FKBP4: variants seen among roughly 807,000 people sequenced by gnomAD.
The protein encoded by FKBP4 is FKBP prolyl isomerase 4.
In FKBP4, 28 loss-of-function variants were observed where a neutral mutation model predicts 54.1. That is an observed-to-expected ratio of 0.52 (90% CI 0.38 to 0.71). The LOEUF (loss-of-function observed/expected upper bound fraction) is 0.71. Ranked by LOEUF, FKBP4 falls within the 30% of genes least tolerant of loss-of-function variation. The probability of loss-of-function intolerance (pLI) is 0.00; values close to 1 mark genes in which losing one functional copy is unlikely to be tolerated. For synonymous variants in FKBP4, 223 were observed against 216.1 expected, an observed-to-expected ratio of 1.03 and a Z score of -0.28; for missense variants, 493 against 574.4, an observed-to-expected ratio of 0.86 and a Z score of 1.45.
At chr12:2,796,606 T>C (rs2097901994) in intron 1 of FKBP4, 1 of 1,166,904 alleles carries the variant, frequency 8.6e-7, no homozygotes, top group Admixed American at 4.0e-5. Context: ...GGTTCACCTA[T>C]AACCTGGTTT....
Position 2,800,582 on chromosome 12 carries a change from G to A in FKBP4, c.1032+5G>A, listed in dbSNP as rs2097904200. 6.2e-7 allele frequency: 1 copy of A among 1,602,142 alleles called. No homozygotes were observed. Among genetic ancestry groups the A allele is most frequent in the Non-Finnish European group, 8.5e-7 (1 of 1,175,058 alleles). On this transcript the variant is annotated splice_donor_5th_base_variant and intron_variant, in intron 8 of 9. Transcript: ENST00000001008. ...GCCATTGAAAGCTGTAACAAGGTGA[G>A]GCCCCCTCAGAGGTCATGGAAGCAG...
At position 2,795,181 on chromosome 12, in the gene FKBP4, G is replaced by A. The variant is rs150655432; in HGVS notation, c.42G>A (p.Gln14=). 1.6e-4 allele frequency: 217 copies of A among 1,320,736 alleles called. No individual in the cohort carries two copies. The African/African-American group carries it at 2.8e-3, about 17-fold the overall frequency. 81.8% of individuals were successfully genotyped at this position (1,320,736 alleles called of 1,614,324 possible). ...EEMKATESGA[Q]SAPLPMEGVD... ...TGAAGGCGACCGAGAGCGGGGCGCA[G>A]TCGGCGCCGCTGCCCATGGAGGGAG... Residue 14 remains glutamine, a synonymous_variant, in exon 1 of 10, where the codon CAG becomes CAA. Coordinates refer to ENST00000001008, the MANE Select transcript of FKBP4 (RefSeq NM_002014.4). The surrounding 1 kb of genome is among the most constrained non-coding windows in gnomAD (Gnocchi z 4.3).
Position 2,800,132 on chromosome 12 carries a change from C to T in FKBP4, c.846+10C>T, listed in dbSNP as rs764548144. The T allele has an allele frequency of 1.2e-6, 2 of 1,612,068 alleles. No homozygotes were observed. The highest frequency in any genetic ancestry group is 1.1e-5 in the South Asian group (1 of 91,018). On this transcript the variant is annotated intron_variant, in intron 7 of 9. Transcript: ENST00000001008. ...CACTGTGTACTTCAAGGTGAGCCAA[C>T]AGTCATTGTCCTAAGGACACTCCCA...
At chr12:2,799,388 G>A (rs1380540005) in intron 5 of FKBP4, 144 bp downstream of exon 5, 12 of 877,246 alleles carry the variant, frequency 1.4e-5, no homozygotes, top group Non-Finnish European at 1.8e-5. Context: ...AGTGTACTTA[G>A]AAGTATGGCC....
intron 9 of FKBP4, among the ~76,000 whole-genome samples, chr12:2,802,469 T>G (rs1203375018): frequency 6.6e-6 from 1 of 152,196 alleles, no homozygotes; most frequent in African/African-American, 2.4e-5. Context: ...CACTGTCCAG[T>G]AGAAATACAG....
chr12:2,795,508 C>T lies in FKBP4; in HGVS notation c.105+264C>T, dbSNP rs2097901185. ...GCTCCCCAGCCGGCAGCGCCCGGGCCCGGGCAGGGGGTCGGGATTGCAGTG... is the reference window on the plus strand; with the variant it reads ...GCTCCCCAGCCGGCAGCGCCCGGGCTCGGGCAGGGGGTCGGGATTGCAGTG... On this transcript the variant is annotated intron_variant, in intron 1 of 9. Transcript: ENST00000001008. This position sits in a 1 kb window ranked among gnomAD's most constrained non-coding sequence, Gnocchi z 4.3. 1 of 146,992 alleles carries T rather than the reference C, an allele frequency of 6.8e-6. No individual in the cohort carries two copies. Among genetic ancestry groups the T allele is most frequent in the South Asian group, 2.1e-4 (1 of 4,794 alleles). 9.1% of individuals were successfully genotyped at this position (146,992 alleles called of 1,614,324 possible).
At chr12:2,797,411 C>A in intron 2 of FKBP4, 129 bp downstream of exon 2, 4 of 1,062,404 alleles carry the variant, frequency 3.8e-6, no homozygotes, top group Non-Finnish European at 5.4e-6. Context: ...CTTTCGGTCA[C>A]TCTTTTTTTT....
Position 2,797,159 on chromosome 12 carries a change from G to C in FKBP4, c.127G>C (p.Gly43Arg). ...VLKVIKREGT[G>R]TEMPMIGDRV... The stretch of plus-strand genomic sequence containing the variant: ...CCAGGTCATCAAGAGAGAGGGCACA[G>C]GTACAGAGATGCCCATGATTGGGGA... The change falls in exon 2 of 10, where the codon GGT (glycine) becomes CGT (arginine). Residue 43 changes from glycine (G) to arginine (R), a missense_variant. Physicochemically the swap from Gly to Arg is moderately radical, Grantham distance 125. Transcript: ENST00000001008. 1 of 1,612,964 alleles carries C rather than the reference G, an allele frequency of 6.2e-7. No homozygotes were observed. The highest frequency in any genetic ancestry group is 2.2e-5 in the East Asian group (1 of 44,872).
At position 2,803,187 on chromosome 12, in the gene FKBP4, GAC is replaced by G; in HGVS notation, c.1313_1314del (p.Thr438ArgfsTer44). The G allele has an allele frequency of 1.9e-6, 3 of 1,606,842 alleles. No homozygotes were observed. The highest frequency in any genetic ancestry group is 2.5e-6 in the Non-Finnish European group (3 of 1,176,662). On this transcript the variant is annotated frameshift_variant, in exon 10 of 10. Coordinates refer to ENST00000001008, the MANE Select transcript of FKBP4 (RefSeq NM_002014.4). LOFTEE classifies it high-confidence loss of function. ...AEASSGDHPT[D>X]TEMKEEQKSN... ...GGCTTCCTCAGGAGACCATCCCACT[GAC>G]ACAGAGATGAAGGAGGAGCAGAAGA...
chr12:2,796,816 A>G, intron 1 of FKBP4: 18 of 1,118,060 alleles, frequency 1.6e-5, no homozygotes, highest in Non-Finnish European at 2.0e-5. Flanking sequence ...CAACAACTGT[A>G]GGAGATAGGG....
chr12:2,800,983 G>C (rs2097904419), intron 8 of FKBP4, 134 bp from the exon 9 acceptor site: 2 of 1,200,218 alleles, frequency 1.7e-6, no homozygotes, highest in Non-Finnish European at 2.4e-6. Context: ...CTCAGGCCTT[G>C]TTCTTCCTGG....
chr12:2,797,401 C>CT, intron 2 of FKBP4, 119 bp downstream of exon 2: 1 of 1,148,842 alleles, frequency 8.7e-7, no homozygotes, highest in Non-Finnish European at 1.2e-6. Context: ...TCTGTTAACT[C>CT]TTTCGGTCAC....
intron 9 of FKBP4, chr12:2,801,580 G>A: frequency 1.5e-6 from 1 of 654,668 alleles, no homozygotes; most frequent in Non-Finnish European, 2.7e-6. Context: ...TGCCCTGAGT[G>A]TAATTCCCGA....
intron 2 of FKBP4, 133 bp from the exon 3 acceptor site, chr12:2,797,596 C>A: frequency 9.1e-7 from 1 of 1,104,958 alleles, no homozygotes; most frequent in South Asian, 1.6e-5. Context: ...AACCAGGTAC[C>A]TCACCTTCTG....
At chr12:2,799,701 T>C (rs2097903697) in intron 5 of FKBP4, 149 bp from the exon 6 acceptor site, 3 of 678,626 alleles carry the variant, frequency 4.4e-6, no homozygotes, top group Non-Finnish European at 5.3e-6. Flanking sequence ...CATCTGACAG[T>C]GTGAAGAGGC....
Position 2,795,058 on chromosome 12 carries a change from C to T in FKBP4, c.-82C>T, listed in dbSNP as rs1367049899. On this transcript the variant is annotated 5_prime_UTR_variant, in exon 1 of 10. Transcript: ENST00000001008. This position sits in a 1 kb window ranked among gnomAD's most constrained non-coding sequence, Gnocchi z 4.3. ...CCGCCGCGCCCGGCCTCCCGCACGC[C>T]CCGCAGGTAGCGCCCCCGCCCGCGG... 1 of 850,514 alleles carries T rather than the reference C, an allele frequency of 1.2e-6. No individual in the cohort carries two copies. Among genetic ancestry groups the T allele is most frequent in the Non-Finnish European group, 1.6e-6 (1 of 641,694 alleles). The allele number at this position is 850,514 out of a possible 1,614,324, so 52.7% of individuals were successfully genotyped here.
In FKBP4 at chr12:2,804,035, C is replaced by T. The variant is rs2097906270; in HGVS notation, c.*777C>T. The T allele has an allele frequency of 6.9e-6, 1 of 145,570 alleles. No individual in the cohort carries two copies. 9.0% of individuals were successfully genotyped at this position (145,570 alleles called of 1,614,324 possible). A position where few individuals can be genotyped will look rare whatever the true frequency, so the allele number is the denominator to read the frequency against. ...AGTAGCACAATCAAGGGGTCACCCA[C>T]TTAGTTCCAGTTGAGCTTAAATAAG... On this transcript the variant is annotated 3_prime_UTR_variant, in exon 10 of 10. Coordinates refer to ENST00000001008, the MANE Select transcript of FKBP4 (RefSeq NM_002014.4).
chr12:2,796,788 T>C (rs2097902100), intron 1 of FKBP4: 2 of 1,080,266 alleles, frequency 1.9e-6, no homozygotes, highest in African/African-American at 1.7e-5. Flanking sequence ...TATTCAACCT[T>C]TTACTGGTCT....
intron 9 of FKBP4, 74 bp downstream of exon 9, chr12:2,801,430 T>G (rs2097904713): frequency 6.3e-7 from 1 of 1,594,336 alleles, no homozygotes; most frequent in Non-Finnish European, 8.6e-7. Flanking sequence ...TCTTTGTGCC[T>G]TTGGTTGTCT....
Sources: gnomAD v4.1 joint callset for allele counts (sites outside exome capture counted in the v4.1 genomes callset) on GRCh38, gnomAD v4.1.1 for gene constraint, Gnocchi (gnomAD v3.1) non-coding constraint, MANE v1.5 for transcripts, NCBI Gene and HGNC (gene_info 2026-07-23, HGNC 2026-07-21) for gene names.